GZMK: variants seen among roughly 807,000 people sequenced by gnomAD.
GZMK encodes the protein granzyme K, also known as NK-Tryp-2.
In GZMK, 18 loss-of-function variants were observed where a neutral mutation model predicts 22.8. The ratio of observed to expected loss-of-function variants is 0.79; its 90% CI spans 0.54 to 1.17. The LOEUF is 1.17. GZMK is among the 50% of genes most tolerant of loss of function. GZMK has a pLI of 0.00. For synonymous variants in GZMK, 136 were observed against 115.0 expected (o/e 1.18, Z -1.17); for missense variants, 342 against 320.2 (o/e 1.07, Z -0.52).
chr5:55,029,466 C>T (rs942096516), intron 2 of GZMK, among the ~76,000 whole-genome samples: 1 of 152,288 alleles, frequency 6.6e-6, no homozygotes, highest in Non-Finnish European at 1.5e-5. Flanking sequence ...ATGTAATAGG[C>T]CTTACTTCCC....
In GZMK at chr5:55,030,849, C is replaced by A. The variant is rs139268409; in HGVS notation, c.363+265C>A. On this transcript the variant is annotated intron_variant, in intron 3 of 4. Coordinates refer to ENST00000231009, the MANE Select transcript of GZMK (RefSeq NM_002104.3). Reference sequence around the variant, plus strand: ...GTAGGAGGGGAACATCTTAACAGGCCCAAGGATCCACACTGAAAGCTTTTC... The same window carrying A: ...GTAGGAGGGGAACATCTTAACAGGCACAAGGATCCACACTGAAAGCTTTTC... Among the ~76,000 whole-genome samples, 1,410 of 151,624 alleles carry A rather than the reference C, an allele frequency of 9.3e-3. 14 individuals carry two copies. Among genetic ancestry groups the A allele is most frequent in the Middle Eastern group, 0.062 (18 of 292 alleles).
chr5:55,032,713 C>A (rs1741253407), intron 4 of GZMK: 1 of 151,754 alleles, frequency 6.6e-6, no homozygotes, highest in African/African-American at 2.4e-5. Context: ...GTCTGGGTGA[C>A]AAAATGAGAC....
chr5:55,030,162 C>G (rs1458478472), intron 2 of GZMK, among the ~76,000 whole-genome samples: 2 of 152,170 alleles, frequency 1.3e-5, no homozygotes, highest in East Asian at 3.8e-4. Flanking sequence ...GGATTTCACT[C>G]CTTTTTCTTC....
chr5:55,029,559 T>C (rs867020114), intron 2 of GZMK, among the ~76,000 whole-genome samples: 2 of 140,322 alleles, frequency 1.4e-5, no homozygotes, highest in African/African-American at 4.9e-5. Flanking sequence ...TGTTTGTTTG[T>C]TTGTTTGTTT....
At chr5:55,025,361 C>A (rs943304592) in intron 2 of GZMK, among the ~76,000 whole-genome samples, 1 of 152,154 alleles carries the variant, frequency 6.6e-6, no homozygotes, top group Non-Finnish European at 1.5e-5. Context: ...TAGCTACTCA[C>A]CACTTACAAC....
At chr5:55,031,840 A>C (rs888817491) in intron 4 of GZMK, among the ~76,000 whole-genome samples, 3 of 152,210 alleles carry the variant, frequency 2.0e-5, no homozygotes, top group Admixed American at 6.5e-5. Flanking sequence ...ATACTTTATA[A>C]GCACCCACTA....
chr5:55,028,385 G>A (rs575768603), intron 2 of GZMK: 4 of 152,268 alleles, frequency 2.6e-5, no homozygotes, highest in African/African-American at 9.6e-5. Flanking sequence ...CATCCTATGA[G>A]AAATTTCCAC....
Position 55,024,281 on chromosome 5 carries a change from TCAA to T in GZMK, c.-39_-37del. 1 of 926,806 alleles carries T rather than the reference TCAA, an allele frequency of 1.1e-6. No homozygotes were observed. Among genetic ancestry groups the T allele is most frequent in the Non-Finnish European group, 1.8e-6 (1 of 558,416 alleles). The allele number at this position is 926,806 out of a possible 1,614,324, so 57.4% of individuals were successfully genotyped here. ...AGAATCTTCTTCCTTCATCACAGGA[TCAA>T]CACATTTCATCTGGGCTTCTTAAAT... On this transcript the variant is annotated 5_prime_UTR_variant, in exon 1 of 5. Transcript: ENST00000231009.
chr5:55,033,094 G>T (rs907083002), intron 4 of GZMK, among the ~76,000 whole-genome samples: 1 of 151,800 alleles, frequency 6.6e-6, no homozygotes. Context: ...AAAAGGCCAT[G>T]CCATCCCCTC....
chr5:55,031,329 G>T, intron 3 of GZMK, 35 bp from the exon 4 acceptor site: 3 of 1,590,942 alleles, frequency 1.9e-6, no homozygotes, highest in Non-Finnish European at 2.6e-6. Context: ...ATACTACTGG[G>T]AAAGAAATAA....
intron 4 of GZMK, 89 bp downstream of exon 4, chr5:55,031,722 G>C: frequency 9.5e-7 from 1 of 1,054,668 alleles, no homozygotes; most frequent in Admixed American, 2.2e-5. Context: ...GGAGGGAGGG[G>C]CATGGAGAAT....
chr5:55,033,499 T>G (rs913092845), intron 4 of GZMK, among the ~76,000 whole-genome samples: 3 of 152,142 alleles, frequency 2.0e-5, no homozygotes, highest in African/African-American at 7.2e-5. Context: ...GATATAGACA[T>G]GGACACTGAG....
At chr5:55,025,676 C>T (rs993248349) in intron 2 of GZMK, 7 of 152,098 alleles carry the variant, frequency 4.6e-5, no homozygotes, top group Non-Finnish European at 1.0e-4. Context: ...TGTTTCTTAC[C>T]TAATAAGCTG....
At chr5:55,033,051 C>T (rs1194684336) in intron 4 of GZMK, among the ~76,000 whole-genome samples, 1 of 152,180 alleles carries the variant, frequency 6.6e-6, no homozygotes, top group African/African-American at 2.4e-5. Context: ...AAGAGAAAGG[C>T]TGGTCTTCAA....
intron 4 of GZMK, among the ~76,000 whole-genome samples, chr5:55,031,941 C>G (rs1026188619): frequency 6.6e-6 from 1 of 152,132 alleles, no homozygotes. Context: ...GTCTACCAAC[C>G]CTGAAGTCAC....
At chr5:55,027,098 C>T (rs1441882215) in intron 2 of GZMK, 2 of 152,250 alleles carry the variant, frequency 1.3e-5, no homozygotes, top group Admixed American at 6.5e-5. Flanking sequence ...CAAGTTTATT[C>T]GTTTACCTGA....
At chr5:55,025,473 A>C (rs2111605230) in intron 2 of GZMK, among the ~76,000 whole-genome samples, 1 of 152,340 alleles carries the variant, frequency 6.6e-6, no homozygotes, top group East Asian at 1.9e-4. Flanking sequence ...TTTTCTGAAG[A>C]CAGAGTAAAA....
intron 3 of GZMK, among the ~76,000 whole-genome samples, chr5:55,030,797 GA>G (rs1174161171): frequency 6.6e-6 from 1 of 152,106 alleles, no homozygotes; most frequent in African/African-American, 2.4e-5. Flanking sequence ...TTTATACAAG[GA>G]AAAGCAACTC....
At chr5:55,024,996 A>G in intron 2 of GZMK, 189 bp downstream of exon 2, 1 of 443,080 alleles carries the variant, frequency 2.3e-6, no homozygotes, top group Non-Finnish European at 4.0e-6. Context: ...TTCAGAGAGA[A>G]CTGAGCTGCT....
Sources: gnomAD v4.1 joint callset for allele counts (sites outside exome capture counted in the v4.1 genomes callset) on GRCh38, gnomAD v4.1.1 for gene constraint, MANE v1.5 for transcripts, NCBI Gene and HGNC (gene_info 2026-07-23, HGNC 2026-07-21) for gene names.